MAK: variants seen among roughly 807,000 people sequenced by gnomAD.
MAK encodes the protein male germ cell associated kinase.
A neutral mutation model predicts 82.6 loss-of-function variants in MAK; 65 were observed. The observed-to-expected ratio is 0.79, with a 90% CI of 0.64 to 0.97. The LOEUF (loss-of-function observed/expected upper bound fraction) is 0.97. Ranked by LOEUF, MAK falls within the 50% of genes least tolerant of loss-of-function variation. The pLI, the probability that MAK is intolerant of heterozygous loss-of-function variation, is 0.00. For synonymous variants in MAK, 250 were observed against 274.2 expected (o/e 0.91, Z 0.87); for missense variants, 703 against 780.2 (o/e 0.90, Z 1.18).
intron 5 of MAK, among the ~76,000 whole-genome samples, chr6:10,811,195 C>T (rs186594265): frequency 1.8e-4 from 27 of 152,322 alleles, no homozygotes; most frequent in African/African-American, 4.8e-4. Context: ...GATAGGTTTT[C>T]ACCACGTTGG....
intron 5 of MAK, among the ~76,000 whole-genome samples, chr6:10,813,082 ATT>A (rs1379792812): frequency 0.037 from 1,213 of 32,504 alleles, 111 homozygotes; most frequent in South Asian, 0.13. Context: ...TATGTTATGT[ATT>A]TTTATATATA....
intron 13 of MAK, 99 bp from the exon 14 acceptor site, chr6:10,770,329 T>C: frequency 7.2e-7 from 1 of 1,387,806 alleles, no homozygotes; most frequent in Non-Finnish European, 1.0e-6. Flanking sequence ...ATACTATTTT[T>C]CAGCATCTAC....
At chr6:10,834,724 C>CT (rs1314257128) in intron 1 of MAK, among the ~76,000 whole-genome samples, 1 of 150,984 alleles carries the variant, frequency 6.6e-6, no homozygotes, top group Non-Finnish European at 1.5e-5. Context: ...AGAGTGAGAC[C>CT]TTAGAACTTG....
chr6:10,789,253 A>T (rs1183598383), intron 10 of MAK, among the ~76,000 whole-genome samples: 1 of 152,030 alleles, frequency 6.6e-6, no homozygotes, highest in Admixed American at 6.6e-5. Flanking sequence ...ATACCATGCC[A>T]AAGAGCTCCT....
chr6:10,791,698 T>C lies in MAK; in HGVS notation c.1293A>G (p.Lys431=), dbSNP rs1775101389. 4 of 1,614,024 alleles carry C rather than the reference T, an allele frequency of 2.5e-6. No individual in the cohort carries two copies. In the East Asian group the frequency reaches 8.9e-5, roughly 36 times the overall value. ...ACCGAAATGGAGAATCTTTTTTCCT[T>C]TTTTCTTTAAAAACACCCATGCTTG... ...KKPSMGVFKE[K]RKKDSPFRLP... is the part of the protein sequence containing the mutation. The change falls in exon 10 of 15, where the codon AAA becomes AAG. Residue 431 remains lysine, a synonymous_variant. Coordinates refer to ENST00000354489, the MANE Select transcript of MAK (RefSeq NM_001242957.3).
chr6:10,784,781 G>GACAA (rs1774375411), intron 10 of MAK: 1 of 686,524 alleles, frequency 1.5e-6, no homozygotes. Context: ...TCTGATACCA[G>GACAA]TATGTGACAG....
intron 13 of MAK, 24 bp downstream of exon 13, chr6:10,773,010 A>C (rs746532972): frequency 6.9e-7 from 1 of 1,451,034 alleles, no homozygotes; most frequent in East Asian, 2.5e-5. Context: ...AACAAACTGC[A>C]TTCATCTGAC....
chr6:10,774,164 A>G (rs1254300453), intron 12 of MAK, among the ~76,000 whole-genome samples: 11 of 152,154 alleles, frequency 7.2e-5, no homozygotes. Context: ...TAGGCTTAAA[A>G]GTCTAAAATT....
At chr6:10,773,600 A>T (rs938481411) in intron 12 of MAK, among the ~76,000 whole-genome samples, 10 of 152,200 alleles carry the variant, frequency 6.6e-5, no homozygotes, top group African/African-American at 2.2e-4. Flanking sequence ...GTTGATATTT[A>T]AAATTTTTAA....
rs1763555103 is a variant in MAK, at chr6:10,777,764, G to C, written c.1466-2305C>G. 2.0e-5 allele frequency among the ~76,000 whole-genome samples: 3 copies of C among 152,036 alleles called. No individual in the cohort carries two copies. In the South Asian group the frequency reaches 6.2e-4, roughly 32 times the overall value. Reference sequence around the variant, plus strand: ...AGTGATTCTCTTGCCTCAGCCTCCTGAGTAGCTGGGATTACAGGCATGCGC... The same window carrying C: ...AGTGATTCTCTTGCCTCAGCCTCCTCAGTAGCTGGGATTACAGGCATGCGC... On this transcript the variant is annotated intron_variant, in intron 11 of 14. Transcript: ENST00000354489.
rs1259275769 is a variant in MAK, at chr6:10,801,089, A to T, written c.831+803T>A. 2.6e-5 allele frequency among the ~76,000 whole-genome samples: 4 copies of T among 151,904 alleles called. No homozygotes were observed. In the East Asian group the frequency reaches 7.7e-4, roughly 29 times the overall value. ...CATCATCAATTTAAAGATTACTTTA[A>T]TATCTGATGGGGCAAGCTGTCCATC... On this transcript the variant is annotated intron_variant, in intron 8 of 14. Coordinates refer to ENST00000354489, the MANE Select transcript of MAK (RefSeq NM_001242957.3).
At chr6:10,768,354 A>C (rs1772662039) in intron 14 of MAK, among the ~76,000 whole-genome samples, 1 of 152,116 alleles carries the variant, frequency 6.6e-6, no homozygotes, top group African/African-American at 2.4e-5. Context: ...GAGGCAGGTG[A>C]ATCATTTGAG....
chr6:10,803,401 C>A (rs770597228), intron 7 of MAK, among the ~76,000 whole-genome samples: 21 of 151,746 alleles, frequency 1.4e-4, no homozygotes, highest in Non-Finnish European at 2.4e-4. Context: ...AAAAATTGAC[C>A]AGGCGTGGTG....
Position 10,800,159 on chromosome 6 carries a change from G to A in MAK, c.831+1733C>T, listed in dbSNP as rs1407339899. Reference sequence around the variant, plus strand: ...CGGGCACCTGCAATCCCAGCAACTCGGGAGGCTGAGGCAGGAGAATCGCCT... The same window carrying A: ...CGGGCACCTGCAATCCCAGCAACTCAGGAGGCTGAGGCAGGAGAATCGCCT... On this transcript the variant is annotated intron_variant, in intron 8 of 14. Coordinates refer to ENST00000354489, the MANE Select transcript of MAK (RefSeq NM_001242957.3). The surrounding 1 kb of genome is among the most constrained non-coding windows in gnomAD (Gnocchi z 4.2). 7.9e-5 allele frequency among the ~76,000 whole-genome samples: 12 copies of A among 151,998 alleles called. No individual in the cohort carries two copies. Among genetic ancestry groups the A allele is most frequent in the South Asian group, 6.2e-4 (3 of 4,818 alleles).
At chr6:10,775,579 T>C in intron 11 of MAK, 120 bp from the exon 12 acceptor site, 2 of 1,134,580 alleles carry the variant, frequency 1.8e-6, no homozygotes, top group Non-Finnish European at 2.6e-6. Context: ...GAAATAAATC[T>C]AGGTGAAAAT....
At chr6:10,770,899 C>A (rs533376141) in intron 13 of MAK, among the ~76,000 whole-genome samples, 2 of 152,174 alleles carry the variant, frequency 1.3e-5, no homozygotes, top group East Asian at 3.9e-4. Context: ...GGGTCTGAAC[C>A]ACAGCAGTGG....
chr6:10,784,030 A>T (rs1282721914), intron 11 of MAK, among the ~76,000 whole-genome samples: 1 of 152,202 alleles, frequency 6.6e-6, no homozygotes, highest in Non-Finnish European at 1.5e-5. Flanking sequence ...AAAAAAACAA[A>T]AAAACAAACA....
At chr6:10,773,893 G>T (rs1773233337) in intron 12 of MAK, among the ~76,000 whole-genome samples, 1 of 151,782 alleles carries the variant, frequency 6.6e-6, no homozygotes, top group East Asian at 1.9e-4. Flanking sequence ...TAGAGACAGG[G>T]TTTCACCATG....
intron 8 of MAK, among the ~76,000 whole-genome samples, chr6:10,799,005 A>T (rs1221600574): frequency 1.3e-5 from 2 of 151,702 alleles, no homozygotes; most frequent in Non-Finnish European, 2.9e-5. Flanking sequence ...AATTTTTTGT[A>T]TTTTTAGTAG....
Sources: allele counts gnomAD v4.1 joint callset (sites outside exome capture counted in the v4.1 genomes callset), GRCh38; gene constraint gnomAD v4.1.1; non-coding constraint Gnocchi (gnomAD v3.1); transcripts MANE v1.5; gene names NCBI Gene and HGNC (gene_info 2026-07-23, HGNC 2026-07-21).